Variants in FAM185A observed in about 807,000 individuals in gnomAD.
FAM185A encodes protein FAM185A.
A neutral mutation model predicts 45.7 loss-of-function variants in FAM185A; 21 were observed. That is an observed-to-expected ratio of 0.46 (90% confidence interval 0.33 to 0.66). The LOEUF (loss-of-function observed/expected upper bound fraction) is 0.66. Ranked by LOEUF, FAM185A falls within the 30% of genes least tolerant of loss-of-function variation. The pLI, the probability that FAM185A is intolerant of heterozygous loss-of-function variation, is 0.03. For synonymous variants in FAM185A, 117 were observed against 194.0 expected, an observed-to-expected ratio of 0.60 and a Z score of 3.30; for missense variants, 305 against 485.4, an observed-to-expected ratio of 0.63 and a Z score of 3.49.
At chr7:102,842,707 C>G in the FAM185A span, among the ~76,000 whole-genome samples, 2 of 152,208 alleles carry the variant, frequency 1.3e-5, no homozygotes, top group Non-Finnish European at 2.9e-5. Context: ...TTTGACTGGA[C>G]TGTTGCTGAA....
chr7:102,816,000 C>T, the FAM185A span, among the ~76,000 whole-genome samples: 1 of 152,120 alleles, frequency 6.6e-6, no homozygotes, highest in African/African-American at 2.4e-5. Context: ...TGTGATGGGA[C>T]AGAATCGAAA....
the FAM185A span, among the ~76,000 whole-genome samples, chr7:102,820,922 C>T: frequency 6.6e-6 from 1 of 152,216 alleles, no homozygotes; most frequent in Non-Finnish European, 1.5e-5. Flanking sequence ...CAAACCATAG[C>T]ATCACACCAT....
chr7:102,831,692 A>ATT, the FAM185A span, among the ~76,000 whole-genome samples: 1 of 151,580 alleles, frequency 6.6e-6, no homozygotes, highest in Non-Finnish European at 1.5e-5. Flanking sequence ...TGTAAATCAG[A>ATT]TTTTTTTTTC....
chr7:102,763,906 T>C (rs60164908), intron 4 of FAM185A, among the ~76,000 whole-genome samples: 13,009 of 152,194 alleles, frequency 0.085, 794 homozygotes, highest in East Asian at 0.2. Context: ...CGTTAAAGAA[T>C]TCAGAGTAGA....
chr7:102,844,739 A>G, the FAM185A span, among the ~76,000 whole-genome samples: 1 of 152,042 alleles, frequency 6.6e-6, no homozygotes, highest in African/African-American at 2.4e-5. Context: ...GTTAGCACAG[A>G]CCCCACAGGT....
the FAM185A span, among the ~76,000 whole-genome samples, chr7:102,849,754 T>C: frequency 6.6e-6 from 1 of 152,190 alleles, no homozygotes; most frequent in African/African-American, 2.4e-5. Flanking sequence ...GGGGAAAGAT[T>C]ACCACATGCC....
At chr7:102,802,817 G>GA (rs543749109) in intron 7 of FAM185A, among the ~76,000 whole-genome samples, 2 of 151,262 alleles carry the variant, frequency 1.3e-5, no homozygotes, top group Non-Finnish European at 3.0e-5. Flanking sequence ...GATTAACCAA[G>GA]AAAAAAAAGA....
the FAM185A span, chr7:102,822,484 CT>C: frequency 1.3e-5 from 7 of 557,904 alleles, no homozygotes; most frequent in Non-Finnish European, 2.4e-5. Flanking sequence ...TCTTTGTCTT[CT>C]TATATGGTCA....
At chr7:102,846,445 A>G in the FAM185A span, among the ~76,000 whole-genome samples, 1 of 152,096 alleles carries the variant, frequency 6.6e-6, no homozygotes, top group Admixed American at 6.5e-5. Context: ...ATGGTGAAAC[A>G]CCATCTCTAC....
At chr7:102,785,930 T>G (rs567807497) in intron 6 of FAM185A, among the ~76,000 whole-genome samples, 1 of 152,114 alleles carries the variant, frequency 6.6e-6, no homozygotes, top group African/African-American at 2.4e-5. Flanking sequence ...CAATCTACTC[T>G]TCTGACAAAG....
In FAM185A at chr7:102,768,830, C is replaced by T. The variant is rs573722314; in HGVS notation, c.794-3579C>T. Reference sequence around the variant, plus strand: ...GGTAAGCACACATAGTTATTACAGACCATCTGGTGTCTGCTTTATTGGAAA... The same window carrying T: ...GGTAAGCACACATAGTTATTACAGATCATCTGGTGTCTGCTTTATTGGAAA... On this transcript the variant is annotated intron_variant, in intron 4 of 7. Transcript: ENST00000413034. Among the ~76,000 whole-genome samples, 35 of 152,050 alleles carry T rather than the reference C, an allele frequency of 2.3e-4. No homozygotes were observed. The South Asian group carries it at 6.6e-3, about 29-fold the overall frequency.
intron 7 of FAM185A, among the ~76,000 whole-genome samples, chr7:102,794,956 T>TAAAG (rs966178842): frequency 6.6e-6 from 1 of 152,118 alleles, no homozygotes; most frequent in Non-Finnish European, 1.5e-5. Flanking sequence ...ACAACAAAAT[T>TAAAG]AAAGATGTAG....
At chr7:102,822,943 TCCCAGCTA>T in the FAM185A span, among the ~76,000 whole-genome samples, 1 of 152,112 alleles carries the variant, frequency 6.6e-6, no homozygotes, top group Non-Finnish European at 1.5e-5. Context: ...GTGCCTGTAG[TCCCAGCTA>T]CTTGGGAGGC....
At chr7:102,823,323 A>G in the FAM185A span, among the ~76,000 whole-genome samples, 1 of 152,222 alleles carries the variant, frequency 6.6e-6, no homozygotes, top group Non-Finnish European at 1.5e-5. Flanking sequence ...CCCAAAGTTA[A>G]TCTGCAGACA....
chr7:102,806,617 G>A (rs947403516), intron 7 of FAM185A, among the ~76,000 whole-genome samples: 4 of 152,052 alleles, frequency 2.6e-5, no homozygotes, highest in Non-Finnish European at 2.9e-5. Context: ...CCTTACAAGC[G>A]GTCCCTGTTC....
At chr7:102,799,049 A>C (rs893326486) in intron 7 of FAM185A, among the ~76,000 whole-genome samples, 35 of 152,288 alleles carry the variant, frequency 2.3e-4, no homozygotes, top group African/African-American at 7.9e-4. Flanking sequence ...CATCTGGCCC[A>C]ACATTTATTT....
intron 5 of FAM185A, among the ~76,000 whole-genome samples, chr7:102,773,259 G>A (rs565852261): frequency 0.018 from 2,755 of 150,806 alleles, 98 homozygotes; most frequent in African/African-American, 0.063. Flanking sequence ...GGTAGGATAT[G>A]AGGTAAGTAA....
intron 7 of FAM185A, among the ~76,000 whole-genome samples, chr7:102,805,226 G>A (rs936166787): frequency 6.6e-6 from 1 of 152,090 alleles, no homozygotes; most frequent in Admixed American, 6.6e-5. Context: ...AAGATACTTG[G>A]ACAGGCATGC....
chr7:102,828,980 G>T, the FAM185A span, among the ~76,000 whole-genome samples: 1 of 152,160 alleles, frequency 6.6e-6, no homozygotes, highest in Non-Finnish European at 1.5e-5. Context: ...AATGTGCTGG[G>T]GATGTAACAT....
Sources: gnomAD v4.1 joint callset for allele counts (sites outside exome capture counted in the v4.1 genomes callset) on GRCh38, gnomAD v4.1.1 for gene constraint, MANE v1.5 for transcripts, NCBI Gene and HGNC (gene_info 2026-07-23, HGNC 2026-07-21) for gene names.